The following C2orf49 variants were observed in gnomAD, a reference collection of about 807,000 sequenced individuals.
C2orf49 encodes the protein tRNA-splicing ligase complex subunit ASW.
A neutral mutation model predicts 20.6 loss-of-function variants in C2orf49; 11 were observed. That is an observed-to-expected ratio of 0.53 (90% CI 0.34 to 0.88). The LOEUF (loss-of-function observed/expected upper bound fraction) is 0.88, where lower values mean the gene tolerates loss of function less well. Among genes scored for constraint, C2orf49 ranks in the 40% least tolerant of loss-of-function variants. C2orf49 has a pLI of 0.02. For missense variants in C2orf49, 289 were observed against 274.2 expected, an observed-to-expected ratio of 1.05 and a Z score of -0.38; for synonymous variants, 134 against 108.5, an observed-to-expected ratio of 1.24 and a Z score of -1.46.
the C2orf49 span, among the ~76,000 whole-genome samples, chr2:105,357,188 A>G: frequency 6.6e-6 from 1 of 151,940 alleles, no homozygotes; most frequent in Non-Finnish European, 1.5e-5. Context: ...TCCATTACAC[A>G]TATGTTGGTA....
At chr2:105,385,860 C>T in the C2orf49 span, 1 of 173,196 alleles carries the variant, frequency 5.8e-6, no homozygotes, top group Admixed American at 6.3e-5. Flanking sequence ...AATACAAATC[C>T]TGTCCTTCTC....
downstream of C2orf49, among the ~76,000 whole-genome samples, chr2:105,352,429 GTTTT>G (rs61585149): frequency 8.7e-5 from 7 of 80,758 alleles, no homozygotes; most frequent in Admixed American, 7.7e-4. Context: ...GTTTGTTTGG[GTTTT>G]TTTTTTTTTT....
chr2:105,353,316 C>A (rs1430727385), downstream of C2orf49, among the ~76,000 whole-genome samples: 1 of 152,096 alleles, frequency 6.6e-6, no homozygotes, highest in Non-Finnish European at 1.5e-5. Flanking sequence ...AACCATAGCA[C>A]CCTCAGAACG....
downstream of C2orf49, among the ~76,000 whole-genome samples, chr2:105,350,815 T>C (rs1264802756): frequency 2.0e-5 from 3 of 152,224 alleles, no homozygotes; most frequent in Non-Finnish European, 4.4e-5. Flanking sequence ...ATTTTTAACA[T>C]ACCCCACACT....
intron 3 of C2orf49, among the ~76,000 whole-genome samples, chr2:105,344,169 T>C (rs991001112): frequency 1.3e-5 from 2 of 152,156 alleles, no homozygotes; most frequent in African/African-American, 4.8e-5. Flanking sequence ...AATAAGTTTG[T>C]CCAGAATTCC....
At chr2:105,381,158 C>T in the C2orf49 span, among the ~76,000 whole-genome samples, 28 of 152,166 alleles carry the variant, frequency 1.8e-4, no homozygotes, top group African/African-American at 6.5e-4. Flanking sequence ...TTCTTCAGAT[C>T]CATACGATTT....
At chr2:105,378,025 A>C in the C2orf49 span, 1 of 467,314 alleles carries the variant, frequency 2.1e-6, no homozygotes, top group South Asian at 1.6e-5. Context: ...AGAAATCTCC[A>C]AGGTCAACAG....
At chr2:105,343,251 G>A in intron 3 of C2orf49, 28 bp downstream of exon 3, 2 of 1,535,030 alleles carry the variant, frequency 1.3e-6, no homozygotes, top group East Asian at 4.5e-5. Context: ...TTCCATGCTG[G>A]TAAGTGGTCT....
chr2:105,373,604 C>T, the C2orf49 span: 7 of 1,614,220 alleles, frequency 4.3e-6, no homozygotes, highest in Non-Finnish European at 5.9e-6. Context: ...GATGAGTACT[C>T]GTTGGAATAG....
intron 2 of C2orf49, among the ~76,000 whole-genome samples, chr2:105,342,172 C>G (rs1300971380): frequency 6.6e-6 from 1 of 152,178 alleles, no homozygotes; most frequent in East Asian, 1.9e-4. Flanking sequence ...AACTCCGTCT[C>G]AAAAATAAAT....
the C2orf49 span, among the ~76,000 whole-genome samples, chr2:105,356,552 G>A: frequency 6.6e-6 from 1 of 152,106 alleles, no homozygotes; most frequent in Non-Finnish European, 1.5e-5. Context: ...TCCAGCCTGG[G>A]AAACAGAGCG....
the C2orf49 span, among the ~76,000 whole-genome samples, chr2:105,372,236 T>C: frequency 6.6e-6 from 1 of 152,108 alleles, no homozygotes; most frequent in African/African-American, 2.4e-5. Flanking sequence ...TAACTTTCTT[T>C]TTTTTTTGAG....
chr2:105,339,748 AGGTACTTTTT>A lies in C2orf49; in HGVS notation c.266+3_266+12del, dbSNP rs746323773. The A allele has an allele frequency of 1.3e-6, 2 of 1,584,946 alleles. No homozygotes were observed. The highest frequency in any genetic ancestry group is 1.7e-6 in the Non-Finnish European group (2 of 1,171,582). ...ACATGAGATTAAAAATGAGACTAAA[AGGTACTTTTT>A]GGTGGTTCTAGCTTTCAATTTATCT... On this transcript the variant is annotated splice_donor_variant and splice_donor_5th_base_variant and coding_sequence_variant and intron_variant, in exon 2 of 4. Transcript: ENST00000258457. LOFTEE classifies it high-confidence loss of function.
At chr2:105,378,156 G>A in the C2orf49 span, 2 of 471,154 alleles carry the variant, frequency 4.2e-6, no homozygotes, top group Non-Finnish European at 8.8e-6. Context: ...ACATGCACAT[G>A]GGTCCAAGGC....
the C2orf49 span, among the ~76,000 whole-genome samples, chr2:105,366,897 C>T: frequency 6.6e-6 from 1 of 152,270 alleles, no homozygotes; most frequent in East Asian, 1.9e-4. Flanking sequence ...AGGCGTGTGC[C>T]ACCACACCCA....
the C2orf49 span, among the ~76,000 whole-genome samples, chr2:105,355,768 TTTTG>T: frequency 8.2e-3 from 828 of 100,576 alleles, 8 homozygotes; most frequent in Middle Eastern, 0.018. Flanking sequence ...GGAGAAAAAA[TTTTG>T]TGTGTGTGTG....
chr2:105,363,338 C>T, the C2orf49 span: 1 of 1,614,182 alleles, frequency 6.2e-7, no homozygotes, highest in South Asian at 1.1e-5. Context: ...GTCACAGAAG[C>T]AGTTCAGGCA....
At chr2:105,369,658 G>A in the C2orf49 span, among the ~76,000 whole-genome samples, 7 of 152,160 alleles carry the variant, frequency 4.6e-5, no homozygotes, top group Non-Finnish European at 1.0e-4. Context: ...AATAGTGGAA[G>A]GACTTTGAAT....
At chr2:105,376,329 T>A in the C2orf49 span, 1 of 152,154 alleles carries the variant, frequency 6.6e-6, no homozygotes, top group African/African-American at 2.4e-5. Flanking sequence ...TCAAAACAGA[T>A]AGCCTTGAGG....
Sources: gnomAD v4.1 joint callset for allele counts (sites outside exome capture counted in the v4.1 genomes callset) on GRCh38, gnomAD v4.1.1 for gene constraint, MANE v1.5 for transcripts, NCBI Gene and HGNC (gene_info 2026-07-23, HGNC 2026-07-21) for gene names.